The following B3GALT1 variants were observed in gnomAD, a reference collection of about 807,000 sequenced individuals.
B3GALT1 encodes the protein UDP-Gal:betaGlcNAc beta 1,3-galactosyltransferase, polypeptide 1.
A neutral mutation model predicts 23.2 loss-of-function variants in B3GALT1; 10 were observed. That is an observed-to-expected ratio of 0.43 (90% CI 0.27 to 0.73). B3GALT1 has a LOEUF of 0.73. Ranked by LOEUF, B3GALT1 falls within the 30% of genes least tolerant of loss-of-function variation. The probability of loss-of-function intolerance (pLI) is 0.21; values close to 1 mark genes in which losing one functional copy is unlikely to be tolerated. For synonymous variants in B3GALT1, 156 were observed against 141.5 expected (o/e 1.10, Z -0.73); for missense variants, 299 against 405.4 (o/e 0.74, Z 2.25).
chr2:167,300,833 A>G (rs1319559648), intron 1 of B3GALT1, among the ~76,000 whole-genome samples: 1 of 152,240 alleles, frequency 6.6e-6, no homozygotes, highest in East Asian at 1.9e-4. Context: ...CAGAAACATA[A>G]TGGGGAAAAG....
chr2:167,667,945 G>T (rs1489289994), intron 3 of B3GALT1, among the ~76,000 whole-genome samples: 1 of 152,178 alleles, frequency 6.6e-6, no homozygotes, highest in African/African-American at 2.4e-5. Flanking sequence ...TCTTCTCTCA[G>T]CTTGTCAAAG....
intron 1 of B3GALT1, among the ~76,000 whole-genome samples, chr2:167,309,848 A>G (rs1458431809): frequency 1.3e-5 from 2 of 152,074 alleles, no homozygotes; most frequent in Non-Finnish European, 1.5e-5. Context: ...TTTTATTCAA[A>G]TGTTGGTTTT....
chr2:167,523,186 G>GCTGAT (rs1217534793), intron 2 of B3GALT1, among the ~76,000 whole-genome samples: 2 of 152,080 alleles, frequency 1.3e-5, no homozygotes, highest in Non-Finnish European at 2.9e-5. Context: ...AACTAAAATT[G>GCTGAT]CTGATTGTGT....
At chr2:167,665,478 A>G (rs979759288) in intron 3 of B3GALT1, among the ~76,000 whole-genome samples, 2 of 150,982 alleles carry the variant, frequency 1.3e-5, no homozygotes, top group African/African-American at 2.5e-5. Context: ...CTGGCCTCAT[A>G]AAATGAGTTA....
intron 1 of B3GALT1, among the ~76,000 whole-genome samples, chr2:167,356,534 G>T (rs1697415041): frequency 6.6e-6 from 1 of 151,986 alleles, no homozygotes; most frequent in Non-Finnish European, 1.5e-5. Flanking sequence ...ATAGATTGTG[G>T]TATATAAACA....
intron 1 of B3GALT1, among the ~76,000 whole-genome samples, chr2:167,391,077 G>A (rs1427167067): frequency 6.6e-6 from 1 of 152,180 alleles, no homozygotes; most frequent in Non-Finnish European, 1.5e-5. Flanking sequence ...AGAGGAATGT[G>A]GAAAGTATGT....
chr2:167,584,830 A>AG (rs1379131868), intron 2 of B3GALT1, among the ~76,000 whole-genome samples: 10 of 152,212 alleles, frequency 6.6e-5, no homozygotes, highest in Non-Finnish European at 1.3e-4. Flanking sequence ...TGCCCTCTCC[A>AG]GTCACACTAC....
intron 1 of B3GALT1, among the ~76,000 whole-genome samples, chr2:167,369,208 C>T (rs752819607): frequency 4.0e-5 from 6 of 151,732 alleles, no homozygotes; most frequent in Admixed American, 6.6e-5. Flanking sequence ...CAGGCCCTAT[C>T]GTGTATGGGG....
intron 4 of B3GALT1, among the ~76,000 whole-genome samples, chr2:167,858,373 G>A (rs1055301108): frequency 6.8e-6 from 1 of 146,088 alleles, no homozygotes; most frequent in Non-Finnish European, 1.5e-5. Flanking sequence ...AACTGCTTTT[G>A]CACCAATTAG....
Position 167,858,360 on chromosome 2 carries a change from A to C in B3GALT1, c.-229-10451A>C, listed in dbSNP as rs1047910944. ...AGAGCGAAGTAAAAAAAAAAAAAAA[A>C]AAAACTGCTTTTGCACCAATTAGTC... is the stretch of plus-strand genomic sequence containing the variant. On this transcript the variant is annotated intron_variant, in intron 4 of 4. Coordinates refer to ENST00000392690, the MANE Select transcript of B3GALT1 (RefSeq NM_020981.4). Among the ~76,000 whole-genome samples, 4 of 151,948 alleles carry C rather than the reference A, an allele frequency of 2.6e-5. No individual in the cohort carries two copies. In the South Asian group the frequency reaches 6.2e-4, roughly 24 times the overall value.
At chr2:167,587,847 A>G (rs999222197) in intron 2 of B3GALT1, among the ~76,000 whole-genome samples, 1 of 152,258 alleles carries the variant, frequency 6.6e-6, no homozygotes, top group African/African-American at 2.4e-5. Context: ...TCTCTAAAAA[A>G]TATTATACAA....
At chr2:167,462,185 T>A (rs1266798757) in intron 1 of B3GALT1, among the ~76,000 whole-genome samples, 2 of 152,166 alleles carry the variant, frequency 1.3e-5, no homozygotes, top group East Asian at 3.9e-4. Context: ...TGTTTGAGTG[T>A]TTATTACTTT....
intron 1 of B3GALT1, among the ~76,000 whole-genome samples, 154 bp from the exon 2 acceptor site, chr2:167,490,023 C>T (rs768229054): frequency 8.6e-5 from 13 of 152,016 alleles, no homozygotes; most frequent in Non-Finnish European, 1.5e-4. Context: ...TTAAGTGTTC[C>T]TCAAGTGCTG....
chr2:167,744,040 C>T (rs1487836883), intron 3 of B3GALT1, among the ~76,000 whole-genome samples: 1 of 152,082 alleles, frequency 6.6e-6, no homozygotes. Context: ...ATATGTGTGC[C>T]TAATTTCCAA....
chr2:167,839,649 G>A (rs1167245291), intron 4 of B3GALT1, among the ~76,000 whole-genome samples: 2 of 152,240 alleles, frequency 1.3e-5, no homozygotes, highest in Admixed American at 1.3e-4. Context: ...AGCTACCAAT[G>A]ACTTTCTTCA....
intron 3 of B3GALT1, among the ~76,000 whole-genome samples, chr2:167,739,959 C>A (rs1039627373): frequency 6.7e-6 from 1 of 149,082 alleles, no homozygotes; most frequent in African/African-American, 2.5e-5. Context: ...AAAATCTAGG[C>A]GTGGTGGTGC....
At chr2:167,680,922 C>T (rs913646763) in intron 3 of B3GALT1, among the ~76,000 whole-genome samples, 3 of 152,130 alleles carry the variant, frequency 2.0e-5, no homozygotes, top group African/African-American at 7.2e-5. Context: ...AAGTAAGGCA[C>T]TTTTTAATTT....
chr2:167,328,604 GGT>G (rs1035996033), intron 1 of B3GALT1, among the ~76,000 whole-genome samples: 5 of 151,488 alleles, frequency 3.3e-5, no homozygotes, highest in Non-Finnish European at 7.4e-5. Flanking sequence ...TTCTTTTCTT[GGT>G]TACTCTAGCT....
At chr2:167,838,451 C>G (rs200064788) in intron 4 of B3GALT1, among the ~76,000 whole-genome samples, 12,354 of 137,476 alleles carry the variant, frequency 0.09, no homozygotes, top group South Asian at 0.21. Flanking sequence ...TTCCTCAACA[C>G]ATACACTCTC....
Sources: gnomAD v4.1 joint callset for allele counts (sites outside exome capture counted in the v4.1 genomes callset) on GRCh38, gnomAD v4.1.1 for gene constraint, MANE v1.5 for transcripts, NCBI Gene and HGNC (gene_info 2026-07-23, HGNC 2026-07-21) for gene names.